ZNF81: variants seen among roughly 807,000 people sequenced by gnomAD.
ZNF81 encodes zinc finger protein 81, also known as zinc finger protein 81 (HFZ20).
ZNF81 carries 5 observed loss-of-function variants against 32.3 expected under a neutral mutation model. The ratio of observed to expected loss-of-function variants is 0.15; its 90% CI spans 0.08 to 0.33. ZNF81 has a LOEUF of 0.33. Ranked by LOEUF, ZNF81 falls within the 10% of genes least tolerant of loss-of-function variation. ZNF81 has a pLI of 1.00. For missense variants in ZNF81, 379 were observed against 479.8 expected (o/e 0.79, Z 1.96); for synonymous variants, 163 against 166.8 (o/e 0.98, Z 0.17).
chrX:47,869,032 C>T (rs1474957627), intron 2 of ZNF81, among the ~76,000 whole-genome samples: 2 of 111,135 alleles, frequency 1.8e-5, no homozygotes, highest in Non-Finnish European at 3.8e-5. Flanking sequence ...GTCTTTACAA[C>T]TATCAGTAGT....
At position 47,923,188 on chromosome X, in the gene ZNF81, A is replaced by T. The variant is rs1355911688; in HGVS notation, c.*6556A>T. ...TTGTGTAGAGCTCTTAGAACTATGC[A>T]TGGAGAGAATTTCTTAATGGGTATT... On this transcript the variant is annotated 3_prime_UTR_variant, in exon 5 of 5. Coordinates refer to ENST00000338637, the MANE Select transcript of ZNF81 (RefSeq NM_007137.5). 9.0e-6 allele frequency among the ~76,000 whole-genome samples: 1 copy of T among 110,637 alleles called. No individual in the cohort carries two copies. Among genetic ancestry groups the T allele is most frequent in the African/African-American group, 3.3e-5 (1 of 30,303 alleles).
chrX:47,860,722 C>A (rs2058536705), intron 2 of ZNF81: 1 of 111,304 alleles, frequency 9.0e-6, no homozygotes, highest in Non-Finnish European at 1.9e-5. Context: ...AATTGTAGAA[C>A]ACCTGTTGAA....
intron 2 of ZNF81, among the ~76,000 whole-genome samples, chrX:47,848,557 G>GT (rs1296758266): frequency 9.0e-6 from 1 of 111,083 alleles, no homozygotes; most frequent in Non-Finnish European, 1.9e-5. Flanking sequence ...ATTAGTAGTA[G>GT]TTTTTTTGAC....
At chrX:47,895,309 A>G (rs970911153) in intron 3 of ZNF81, among the ~76,000 whole-genome samples, 5 of 111,447 alleles carry the variant, frequency 4.5e-5, no homozygotes, top group Non-Finnish European at 9.4e-5. Flanking sequence ...ACACGGGGGA[A>G]TGCCATATGA....
chrX:47,889,439 A>AC (rs1343550722), intron 3 of ZNF81, among the ~76,000 whole-genome samples: 1 of 112,514 alleles, frequency 8.9e-6, no homozygotes, highest in Non-Finnish European at 1.9e-5. Context: ...TGCAGCTGCC[A>AC]CCACAGGCCC....
intron 2 of ZNF81, among the ~76,000 whole-genome samples, chrX:47,881,964 G>A (rs1027932900): frequency 1.5e-4 from 17 of 110,655 alleles, no homozygotes; most frequent in African/African-American, 5.2e-4. Flanking sequence ...TTTTTTAGAG[G>A]TGGGGTCTCA....
intron 4 of ZNF81, among the ~76,000 whole-genome samples, 167 bp from the exon 5 acceptor site, chrX:47,914,757 G>A (rs1036187361): frequency 2.7e-5 from 3 of 111,740 alleles, no homozygotes; most frequent in African/African-American, 6.5e-5. Context: ...TGTAAGTGTC[G>A]TGTAAGAGTT....
intron 2 of ZNF81, among the ~76,000 whole-genome samples, chrX:47,885,251 TA>T (rs1327298598): frequency 4.5e-5 from 5 of 111,828 alleles, no homozygotes; most frequent in Non-Finnish European, 9.4e-5. Context: ...TGGTTCTCAA[TA>T]GTTTGACTAT....
chrX:47,850,883 G>GCACA (rs1200495761), intron 2 of ZNF81, among the ~76,000 whole-genome samples: 2 of 30,754 alleles, frequency 6.5e-5, no homozygotes, highest in African/African-American at 1.6e-4. Context: ...TCATTCACAG[G>GCACA]CACGCGCGCA....
intron 1 of ZNF81, among the ~76,000 whole-genome samples, chrX:47,840,257 C>T (rs1422730844): frequency 1.8e-5 from 2 of 108,981 alleles, no homozygotes; most frequent in Non-Finnish European, 3.8e-5. Flanking sequence ...TGGGCTTGGT[C>T]GACTGCTGCA....
At chrX:47,841,040 C>G in intron 1 of ZNF81, 2 of 868,422 alleles carry the variant, frequency 2.3e-6, no homozygotes, top group Non-Finnish European at 1.7e-6. Flanking sequence ...AGGAAGCCTA[C>G]TCTATTTTTG....
intron 2 of ZNF81, among the ~76,000 whole-genome samples, chrX:47,880,249 T>C (rs2058615403): frequency 1.8e-5 from 2 of 112,477 alleles, no homozygotes; most frequent in African/African-American, 3.2e-5. Flanking sequence ...GGTCTTACTC[T>C]GTCATCCAGG....
intron 4 of ZNF81, among the ~76,000 whole-genome samples, chrX:47,903,680 T>C (rs1239244622): frequency 1.1e-5 from 1 of 92,098 alleles, no homozygotes; most frequent in African/African-American, 3.9e-5. Context: ...AAGCTACCAA[T>C]GACTTTCTTC....
chrX:47,885,037 A>G (rs1556885591), intron 2 of ZNF81, among the ~76,000 whole-genome samples: 2 of 111,896 alleles, frequency 1.8e-5, no homozygotes, highest in Admixed American at 9.4e-5. Flanking sequence ...AGACCTAATC[A>G]AAGAACTCCT....
At chrX:47,879,893 T>A (rs7058378) in intron 2 of ZNF81, among the ~76,000 whole-genome samples, 7,039 of 111,918 alleles carry the variant, frequency 0.063, 258 homozygotes, top group African/African-American at 0.14. Flanking sequence ...TCCTTGCTAT[T>A]TATTTGTTGA....
chrX:47,845,141 A>G (rs186757248), intron 1 of ZNF81, among the ~76,000 whole-genome samples: 1 of 111,721 alleles, frequency 9.0e-6, no homozygotes, highest in Non-Finnish European at 1.9e-5. Context: ...TAACTTGTTC[A>G]TGCCTTTTAT....
Position 47,902,199 on chromosome X carries a change from C to T in ZNF81, c.277+6259C>T, listed in dbSNP as rs181880193. Among the ~76,000 whole-genome samples, 289 of 111,325 alleles carry T rather than the reference C, an allele frequency of 2.6e-3. 1 individual carries two copies. The highest frequency in any genetic ancestry group is 8.5e-3 in the African/African-American group (261 of 30,646). The stretch of plus-strand genomic sequence containing the variant: ...TCACTTTAATGTCTTGTATCTTCGC[C>T]AATGTACTCTCTTTCTCTGAAGTTG... On this transcript the variant is annotated intron_variant, in intron 4 of 4. Transcript: ENST00000338637.
chrX:47,890,037 A>G (rs1224606727), intron 3 of ZNF81, among the ~76,000 whole-genome samples: 7 of 111,649 alleles, frequency 6.3e-5, no homozygotes, highest in Admixed American at 2.8e-4. Flanking sequence ...CCAAATATAT[A>G]TATCTTTTTA....
At chrX:47,842,396 T>C in intron 1 of ZNF81, among the ~76,000 whole-genome samples, 1 of 110,942 alleles carries the variant, frequency 9.0e-6, no homozygotes, top group Non-Finnish European at 1.9e-5. Flanking sequence ...GGGGAGTCTG[T>C]TCCTGTTGAT....
Sources: gnomAD v4.1 joint callset for allele counts (sites outside exome capture counted in the v4.1 genomes callset) on GRCh38, gnomAD v4.1.1 for gene constraint, MANE v1.5 for transcripts, NCBI Gene and HGNC (gene_info 2026-07-23, HGNC 2026-07-21) for gene names.